PTPN3: variants seen among roughly 807,000 people sequenced by gnomAD.
The protein encoded by PTPN3 is tyrosine-protein phosphatase non-receptor type 3.
In PTPN3, 96 loss-of-function variants were observed where a neutral mutation model predicts 132.7. That is an observed-to-expected ratio of 0.72 (90% CI 0.61 to 0.86). The LOEUF (loss-of-function observed/expected upper bound fraction) is 0.86. Among genes scored for constraint, PTPN3 ranks in the 40% least tolerant of loss-of-function variants. The pLI is 0.00. For missense variants in PTPN3, 1,125 were observed against 1,159.6 expected (o/e 0.97, Z 0.43); for synonymous variants, 398 against 429.0 (o/e 0.93, Z 0.89).
intron 12 of PTPN3, among the ~76,000 whole-genome samples, chr9:109,424,785 A>C (rs900949336): frequency 3.3e-5 from 5 of 152,254 alleles, no homozygotes; most frequent in African/African-American, 4.8e-5. Context: ...CCTGACTCAC[A>C]AAGTCATGAG....
chr9:109,435,278 C>A (rs564442471), intron 9 of PTPN3, among the ~76,000 whole-genome samples: 2 of 152,322 alleles, frequency 1.3e-5, no homozygotes, highest in East Asian at 3.9e-4. Context: ...CATTTCCCAG[C>A]TCCCCTTGCA....
At chr9:109,479,107 T>C (rs1846838055) in intron 1 of PTPN3, among the ~76,000 whole-genome samples, 1 of 151,954 alleles carries the variant, frequency 6.6e-6, no homozygotes, top group Non-Finnish European at 1.5e-5. Context: ...ATATTCACAA[T>C]GTTGTGCAAA....
chr9:109,379,326 G>A lies in PTPN3; in HGVS notation c.*230C>T, dbSNP rs1445190394. ...CAGGCCCCAAACTGAGATCCTTTTT[G>A]TATCTTTCCATAGAAATACAGGCCT... On this transcript the variant is annotated 3_prime_UTR_variant, in exon 26 of 26. Coordinates refer to ENST00000374541, the MANE Select transcript of PTPN3 (RefSeq NM_002829.4). The A allele has an allele frequency of 3.8e-6, 2 of 529,272 alleles. No homozygotes were observed. Among genetic ancestry groups the A allele is most frequent in the Non-Finnish European group, 6.7e-6 (2 of 297,142 alleles). 32.8% of individuals were successfully genotyped at this position (529,272 alleles called of 1,614,324 possible).
At position 109,379,273 on chromosome 9, in the gene PTPN3, G is replaced by A; in HGVS notation, c.*283C>T. The A allele has an allele frequency of 2.6e-6, 1 of 382,168 alleles. No individual in the cohort carries two copies. The highest frequency in any genetic ancestry group is 3.8e-5 in the South Asian group (1 of 26,416). The allele number at this position is 382,168 out of a possible 1,614,324, so 23.7% of individuals were successfully genotyped here. ...CCAGGATGCCGACAGGGGTGTGTGT[G>A]GTGATGTTAGGGAAGAAGGCATTAG... On this transcript the variant is annotated 3_prime_UTR_variant, in exon 26 of 26. Coordinates refer to ENST00000374541, the MANE Select transcript of PTPN3 (RefSeq NM_002829.4).
chr9:109,488,719 T>C (rs1847326532), intron 1 of PTPN3, among the ~76,000 whole-genome samples: 1 of 152,222 alleles, frequency 6.6e-6, no homozygotes, highest in Non-Finnish European at 1.5e-5. Flanking sequence ...CCAGACTGTA[T>C]GGATCCCAGA....
the PTPN3 span, chr9:109,534,363 C>G: frequency 6.7e-7 from 1 of 1,486,762 alleles, no homozygotes; most frequent in Admixed American, 2.2e-5. Flanking sequence ...GGGCCGGCTG[C>G]GGCAGCTGCG....
Position 109,428,655 on chromosome 9 carries a change from C to T in PTPN3, c.794G>A (p.Arg265Lys). Residue 265 changes from arginine to lysine, a missense_variant, in exon 11 of 26, where the codon AGG becomes AAG. Physicochemically the swap from Arg to Lys is conservative, Grantham distance 26 (BLOSUM62 2). Coordinates refer to ENST00000374541, the MANE Select transcript of PTPN3 (RefSeq NM_002829.4). ...WVNILKISFK[R>K]KKFFIHQRQK... ...TCGCTGATGTATGAAGAACTTTTTC[C>T]TTTTGAAAGAAATTTTGAGAATGTT... The T allele has an allele frequency of 6.2e-7, 1 of 1,613,642 alleles. No homozygotes were observed. Among genetic ancestry groups the T allele is most frequent in the Middle Eastern group, 1.6e-4 (1 of 6,062 alleles).
Position 109,449,632 on chromosome 9 carries a change from G to A in PTPN3, c.369-777C>T, listed in dbSNP as rs940187199. ...AGCGCCCTGGGGAGACTTCTATTTA[G>A]GGATGCGGCATACATGTGACACTTG... On this transcript the variant is annotated intron_variant, in intron 5 of 25. Transcript: ENST00000374541. 11 of 985,324 alleles carry A rather than the reference G, an allele frequency of 1.1e-5. No individual in the cohort carries two copies. In the African/African-American group the frequency reaches 1.9e-4, roughly 17 times the overall value. 61.0% of individuals were successfully genotyped at this position (985,324 alleles called of 1,614,324 possible). A position where few individuals can be genotyped will look rare whatever the true frequency, so the allele number is the denominator to read the frequency against.
At chr9:109,383,688 A>C in intron 22 of PTPN3, 137 bp from the exon 23 acceptor site, 1 of 1,271,634 alleles carries the variant, frequency 7.9e-7, no homozygotes, top group East Asian at 2.4e-5. Context: ...AAACTCAGCC[A>C]AGTCCATCAG....
chr9:109,481,291 A>C (rs140268998), intron 1 of PTPN3, among the ~76,000 whole-genome samples: 1 of 152,178 alleles, frequency 6.6e-6, no homozygotes, highest in East Asian at 1.9e-4. Context: ...GTGATGGCCA[A>C]CTATAGATAA....
chr9:109,429,999 A>G (rs1843544481), intron 10 of PTPN3, among the ~76,000 whole-genome samples: 2 of 152,212 alleles, frequency 1.3e-5, no homozygotes, highest in South Asian at 4.1e-4. Context: ...TCTATTACAT[A>G]TTAGATATTA....
Position 109,449,550 on chromosome 9 carries a change from C to A in PTPN3, c.369-695G>T, listed in dbSNP as rs1021359415. 7.1e-6 allele frequency: 7 copies of A among 985,420 alleles called. No individual in the cohort carries two copies. The African/African-American group carries it at 1.0e-4, about 15-fold the overall frequency. The allele number at this position is 985,420 out of a possible 1,614,324, so 61.0% of individuals were successfully genotyped here. A position where few individuals can be genotyped will look rare whatever the true frequency, so the allele number is the denominator to read the frequency against. On this transcript the variant is annotated intron_variant, in intron 5 of 25. Coordinates refer to ENST00000374541, the MANE Select transcript of PTPN3 (RefSeq NM_002829.4). ...GCAGGCCCCTCAGCCTGTGACTTTG[C>A]TCCTCTGCCTGGGGAGCGGGGAAAG...
At chr9:109,451,133 T>G (rs1189816939) in intron 5 of PTPN3, 26 of 963,176 alleles carry the variant, frequency 2.7e-5, no homozygotes, top group Non-Finnish European at 3.0e-5. Context: ...GGTATGTGCC[T>G]ATAATCCCAG....
In PTPN3 at chr9:109,477,649, G is replaced by A. The variant is rs376239888; in HGVS notation, c.-17-14198C>T. ...TCCAGCCTCACAGGCAGCCGTCCCT[G>A]GGTTAATTATTAGCAGCAGCGGGAG... On this transcript the variant is annotated intron_variant, in intron 1 of 25. Transcript: ENST00000374541. Among the ~76,000 whole-genome samples, 35 of 152,328 alleles carry A rather than the reference G, an allele frequency of 2.3e-4. 1 individual carries two copies. The East Asian group carries it at 5.0e-3, about 22-fold the overall frequency.
At chr9:109,472,616 G>A (rs1316542227) in intron 1 of PTPN3, among the ~76,000 whole-genome samples, 2 of 152,072 alleles carry the variant, frequency 1.3e-5, no homozygotes, top group South Asian at 2.1e-4. Context: ...CAAAATTACT[G>A]TACAACTGGT....
chr9:109,484,589 C>G (rs1202752356), intron 1 of PTPN3, among the ~76,000 whole-genome samples: 1 of 152,170 alleles, frequency 6.6e-6, no homozygotes, highest in Non-Finnish European at 1.5e-5. Context: ...GAGGCAGAGG[C>G]CAGATCCTGA....
At position 109,437,000 on chromosome 9, in the gene PTPN3, C is replaced by A. The variant is rs566469895; in HGVS notation, c.588-30G>T. On this transcript the variant is annotated intron_variant, in intron 8 of 25. Coordinates refer to ENST00000374541, the MANE Select transcript of PTPN3 (RefSeq NM_002829.4). ...GGAAGAAAAGACAAAAAGCAGAGTTCATCCAATAAAGAGAGGGCATTAACT... is the reference window on the plus strand; with the variant it reads ...GGAAGAAAAGACAAAAAGCAGAGTTAATCCAATAAAGAGAGGGCATTAACT... 338 of 1,612,490 alleles carry A rather than the reference C, an allele frequency of 2.1e-4. 7 individuals are homozygous for A. In the South Asian group the frequency reaches 3.6e-3, roughly 17 times the overall value.
intron 1 of PTPN3, among the ~76,000 whole-genome samples, chr9:109,478,593 C>T (rs546371653): frequency 9.8e-5 from 15 of 152,322 alleles, no homozygotes; most frequent in African/African-American, 2.9e-4. Context: ...AAAGGAGGAA[C>T]GAGATGACAG....
In PTPN3 at chr9:109,404,568, C is replaced by G; in HGVS notation, c.1833G>C (p.Leu611=). The change falls in exon 19 of 26, where the codon CTG becomes CTC. Residue 611 remains leucine, a synonymous_variant. Coordinates refer to ENST00000374541, the MANE Select transcript of PTPN3 (RefSeq NM_002829.4). ...AAATGGCTTCGGGGAAAAGCTGGTT[C>G]AGTTCATCTTCAGACTTGAAGTCAG... ...SFADFKSEDE[L]NQLFPEAIFP... 1 of 1,564,236 alleles carries G rather than the reference C, an allele frequency of 6.4e-7. No individual in the cohort carries two copies. The highest frequency in any genetic ancestry group is 8.7e-7 in the Non-Finnish European group (1 of 1,146,898).
Sources: gnomAD v4.1 joint callset for allele counts (sites outside exome capture counted in the v4.1 genomes callset) on GRCh38, gnomAD v4.1.1 for gene constraint, MANE v1.5 for transcripts, NCBI Gene and HGNC (gene_info 2026-07-23, HGNC 2026-07-21) for gene names.